AFF2: variants seen among roughly 807,000 people sequenced by gnomAD.
The protein encoded by AFF2 is AF4/FMR2 family member 2.
Under a neutral mutation model 76.9 loss-of-function variants are expected in AFF2, and 14 were observed. That is an observed-to-expected ratio of 0.18 (90% confidence interval 0.12 to 0.28). The LOEUF is 0.28. Among genes scored for constraint, AFF2 ranks in the 10% least tolerant of loss-of-function variants. AFF2 has a pLI of 1.00. For missense variants in AFF2, 868 were observed against 1,001.1 expected, an observed-to-expected ratio of 0.87 and a Z score of 1.79; for synonymous variants, 398 against 366.7, an observed-to-expected ratio of 1.09 and a Z score of -0.98.
intron 7 of AFF2, among the ~76,000 whole-genome samples, chrX:148,866,330 T>C (rs1260600344): frequency 1.8e-5 from 2 of 112,116 alleles, no homozygotes; most frequent in Non-Finnish European, 3.8e-5. Context: ...TTGGTTTGTT[T>C]GTCCCTGCTT....
chrX:148,654,504 G>C (rs961283653), intron 2 of AFF2, among the ~76,000 whole-genome samples: 1 of 111,232 alleles, frequency 9.0e-6, no homozygotes, highest in African/African-American at 3.3e-5. Context: ...TTATATAAAG[G>C]GAAGCTTTTT....
chrX:148,875,636 C>T (rs1051281007), intron 7 of AFF2, among the ~76,000 whole-genome samples: 1 of 111,670 alleles, frequency 9.0e-6, no homozygotes, highest in East Asian at 2.8e-4. Flanking sequence ...TCCATACATA[C>T]TAAAATATAC....
At chrX:148,817,054 AT>A (rs2070274511) in intron 4 of AFF2, among the ~76,000 whole-genome samples, 1 of 111,193 alleles carries the variant, frequency 9.0e-6, no homozygotes, top group Admixed American at 9.6e-5. Context: ...CCATGAAGCA[AT>A]TTTATCTGAA....
intron 1 of AFF2, among the ~76,000 whole-genome samples, chrX:148,528,402 T>G (rs1160588117): frequency 8.9e-6 from 1 of 112,068 alleles, no homozygotes; most frequent in East Asian, 2.8e-4. Flanking sequence ...CACTTCCTAC[T>G]CTTGTTAAAG....
intron 3 of AFF2, among the ~76,000 whole-genome samples, chrX:148,757,109 T>C (rs1195375668): frequency 8.9e-6 from 1 of 112,759 alleles, no homozygotes; most frequent in Admixed American, 9.4e-5. Context: ...CTGGCCGCCA[T>C]GGCCAGGATT....
intron 7 of AFF2, among the ~76,000 whole-genome samples, chrX:148,882,783 C>T (rs1201691533): frequency 8.9e-6 from 1 of 111,913 alleles, no homozygotes; most frequent in Non-Finnish European, 1.9e-5. Flanking sequence ...GATGAAAATG[C>T]AAACAAGTAC....
intron 9 of AFF2, among the ~76,000 whole-genome samples, chrX:148,913,789 C>T (rs1557282234): frequency 8.9e-6 from 1 of 112,079 alleles, no homozygotes; most frequent in African/African-American, 3.3e-5. Flanking sequence ...TTTAATCTGC[C>T]CACATAAGTC....
chrX:148,938,223 G>A (rs2071794449), intron 9 of AFF2, among the ~76,000 whole-genome samples: 1 of 111,842 alleles, frequency 8.9e-6, no homozygotes, highest in Non-Finnish European at 1.9e-5. Context: ...TCATTAACTC[G>A]ACCTGAATAC....
intron 3 of AFF2, among the ~76,000 whole-genome samples, chrX:148,746,907 T>C (rs782109243): frequency 1.8e-5 from 2 of 112,575 alleles, no homozygotes; most frequent in East Asian, 5.6e-4. Context: ...TGCAAAATGA[T>C]CTGGCCCACT....
At chrX:148,842,550 C>CA (rs1345091455) in intron 5 of AFF2, among the ~76,000 whole-genome samples, 1 of 112,100 alleles carries the variant, frequency 8.9e-6, no homozygotes, top group East Asian at 2.8e-4. Flanking sequence ...TACAGTTTTA[C>CA]AAAAAACATG....
At chrX:148,607,372 G>T (rs2053682289) in intron 1 of AFF2, among the ~76,000 whole-genome samples, 1 of 110,921 alleles carries the variant, frequency 9.0e-6, no homozygotes. Flanking sequence ...AATCATAGGG[G>T]TGAGTTTTCC....
chrX:148,985,266 A>T (rs1044198782), intron 19 of AFF2, among the ~76,000 whole-genome samples: 1 of 86,449 alleles, frequency 1.2e-5, no homozygotes, highest in Non-Finnish European at 2.1e-5. Context: ...GATTACAGGC[A>T]TGAGCCCCTG....
chrX:148,848,140 C>T (rs1344234846), intron 7 of AFF2, among the ~76,000 whole-genome samples: 1 of 110,649 alleles, frequency 9.0e-6, no homozygotes, highest in African/African-American at 3.3e-5. Flanking sequence ...CAAAGTTTTC[C>T]TTTTGTACCT....
rs1193061490 is a variant in AFF2, at chrX:148,535,127, G to A, written c.47+33983G>A. On this transcript the variant is annotated intron_variant, in intron 1 of 20. Transcript: ENST00000370460. ...CACCTAAGTCATAGGGTACTTGACTGTGAGGTAATTTACACAAGGACTTGG... is the reference window on the plus strand; with the variant it reads ...CACCTAAGTCATAGGGTACTTGACTATGAGGTAATTTACACAAGGACTTGG... Among the ~76,000 whole-genome samples, 11 of 111,484 alleles carry A rather than the reference G, an allele frequency of 9.9e-5. No homozygotes were observed. In the Admixed American group the frequency reaches 1.0e-3, roughly 11 times the overall value.
intron 3 of AFF2, among the ~76,000 whole-genome samples, chrX:148,732,564 T>C (rs1331994803): frequency 1.1e-5 from 1 of 90,314 alleles, no homozygotes; most frequent in Non-Finnish European, 2.1e-5. Flanking sequence ...ACCCTAAAAC[T>C]TAAAGTATAA....
chrX:148,806,956 G>C lies in AFF2; in HGVS notation c.1042-2920G>C, dbSNP rs917229882. Among the ~76,000 whole-genome samples the C allele has an allele frequency of 6.2e-5, 7 of 112,379 alleles. No individual in the cohort carries two copies. The East Asian group carries it at 2.0e-3, about 32-fold the overall frequency. ...GTTGTCTTACGGAGAAAACAGCAGT[G>C]GGCCCGGGCTAGATGAATTTGCGGA... is the stretch of plus-strand genomic sequence containing the variant. On this transcript the variant is annotated intron_variant, in intron 3 of 20. Coordinates refer to ENST00000370460, the MANE Select transcript of AFF2 (RefSeq NM_002025.4).
chrX:148,724,466 TCAA>T lies in AFF2; in HGVS notation c.1041+61705_1041+61707del, dbSNP rs1388801523. On this transcript the variant is annotated intron_variant, in intron 3 of 20. Transcript: ENST00000370460. ...AGTAACAATATAAAAAATAATAAAA[TCAA>T]CAACAATATCTGCAGTCACATTCAT... Among the ~76,000 whole-genome samples, 11 of 111,935 alleles carry T rather than the reference TCAA, an allele frequency of 9.8e-5. No individual in the cohort carries two copies. The East Asian group carries it at 2.3e-3, about 23-fold the overall frequency.
intron 8 of AFF2, among the ~76,000 whole-genome samples, chrX:148,902,175 G>T (rs1557280958): frequency 1.8e-5 from 2 of 111,751 alleles, no homozygotes; most frequent in Non-Finnish European, 3.8e-5. Flanking sequence ...AGCAGAGAGG[G>T]TATTTTCAAA....
chrX:148,991,614 C>A lies in AFF2; in HGVS notation c.*282C>A. ...GTGCTTTATGGAATGACAGTCCCTA[C>A]AATATTGTTTTAAGCCCACACTACC... On this transcript the variant is annotated 3_prime_UTR_variant, in exon 21 of 21. Transcript: ENST00000370460. 1 of 187,622 alleles carries A rather than the reference C, an allele frequency of 5.3e-6. No individual in the cohort carries two copies. Among genetic ancestry groups the A allele is most frequent in the Non-Finnish European group, 9.8e-6 (1 of 102,035 alleles). 15.5% of individuals were successfully genotyped at this position (187,622 alleles called of 1,213,427 possible). A position where few individuals can be genotyped will look rare whatever the true frequency, so the allele number is the denominator to read the frequency against.
Sources: allele counts gnomAD v4.1 joint callset (sites outside exome capture counted in the v4.1 genomes callset), GRCh38; gene constraint gnomAD v4.1.1; transcripts MANE v1.5; gene names NCBI Gene and HGNC (gene_info 2026-07-23, HGNC 2026-07-21).